Variants in TMEM145 observed in about 807,000 individuals in gnomAD.
TMEM145 encodes the protein transmembrane protein 145.
TMEM145 carries 46 observed loss-of-function variants against 68.5 expected under a neutral mutation model. The observed-to-expected ratio is 0.67, with a 90% CI of 0.53 to 0.86. The LOEUF is 0.86. TMEM145 is among the 40% of genes least tolerant of loss of function. The pLI is 0.00. For synonymous variants in TMEM145, 255 were observed against 280.2 expected (o/e 0.91, Z 0.90); for missense variants, 570 against 645.8 (o/e 0.88, Z 1.27).
intron 1 of TMEM145, 25 bp from the exon 2 acceptor site, chr19:42,314,247 G>A (rs200707689): frequency 1.2e-6 from 2 of 1,613,628 alleles, no homozygotes; most frequent in South Asian, 2.2e-5. Context: ...ACTCAGCGGA[G>A]GGTCAGACTG....
In TMEM145 at chr19:42,313,914, G is replaced by C. The variant is rs1286946507; in HGVS notation, c.121-358G>C. Among the ~76,000 whole-genome samples the C allele has an allele frequency of 6.6e-6, 1 of 152,094 alleles. No homozygotes were observed. Among genetic ancestry groups the C allele is most frequent in the Non-Finnish European group, 1.5e-5 (1 of 68,028 alleles). ...ATGGTCTTTGGGAGCACGGGGTGGG[G>C]TGCAGGGGAGTGTGGATATTGGGGG... On this transcript the variant is annotated intron_variant, in intron 1 of 14. Coordinates refer to ENST00000301204, the MANE Select transcript of TMEM145 (RefSeq NM_173633.3). This position sits in a 1 kb window ranked among gnomAD's most constrained non-coding sequence, Gnocchi z 5.1.
chr19:42,314,218 A>T, intron 1 of TMEM145, 54 bp from the exon 2 acceptor site: 1 of 1,598,046 alleles, frequency 6.3e-7, no homozygotes, highest in Non-Finnish European at 8.6e-7. Flanking sequence ...GGGTCTATGG[A>T]GTAAAGAGTT....
At chr19:42,315,588 A>C in intron 8 of TMEM145, 148 bp downstream of exon 8, 1 of 742,248 alleles carries the variant, frequency 1.3e-6, no homozygotes, top group Non-Finnish European at 2.1e-6. Context: ...TCCAAGGGAG[A>C]AGGGCCTGGG....
At position 42,314,821 on chromosome 19, in the gene TMEM145, G is replaced by A; in HGVS notation, c.390G>A (p.Leu130=). 1 of 1,614,220 alleles carries A rather than the reference G, an allele frequency of 6.2e-7. No homozygotes were observed. Among genetic ancestry groups the A allele is most frequent in the Middle Eastern group, 1.6e-4 (1 of 6,062 alleles). ...TATCAGAGGAGGGAACCCGCTACCTGAGCTGCTCCAGTGGCCGCAGCTTCC... is the reference window on the plus strand; with the variant it reads ...TATCAGAGGAGGGAACCCGCTACCTAAGCTGCTCCAGTGGCCGCAGCTTCC... The part of the protein sequence containing the change: ...QVVSEEGTRY[L]SCSSGRSFRS... Residue 130 remains leucine (L), a synonymous_variant, in exon 5 of 15, where the codon CTG becomes CTA. Transcript: ENST00000301204.
chr19:42,323,517 C>G, intron 13 of TMEM145, 66 bp from the exon 14 acceptor site: 7 of 1,532,504 alleles, frequency 4.6e-6, no homozygotes, highest in Non-Finnish European at 6.3e-6. Flanking sequence ...CTTCGGACCC[C>G]AAGTTTATGG....
intron 7 of TMEM145, 22 bp downstream of exon 7, chr19:42,315,281 T>TG (rs1181896302): frequency 1.9e-6 from 3 of 1,612,476 alleles, no homozygotes; most frequent in Admixed American, 1.7e-5. Context: ...ACATGGGGTG[T>TG]GGGGGAAGAG....
rs1225112425 is a variant in TMEM145 at position 42,316,510 on chromosome 19, TG to T, written c.680del (p.Gly227ValfsTer13). 2.5e-5 allele frequency: 41 copies of T among 1,614,024 alleles called. No individual in the cohort carries two copies. Among genetic ancestry groups the T allele is most frequent in the Non-Finnish European group, 3.3e-5 (39 of 1,180,008 alleles). On this transcript the variant is annotated frameshift_variant, in exon 9 of 15. Coordinates refer to ENST00000301204, the MANE Select transcript of TMEM145 (RefSeq NM_173633.3). LOFTEE classifies it high-confidence loss of function. Reference sequence around the variant, plus strand: ...GAGCCTCCTATTTTTCTGCATCTACTGGGGTCAATATGCCACCGATGGCATT... The same window carrying T: ...GAGCCTCCTATTTTTCTGCATCTACTGGGTCAATATGCCACCGATGGCATT... ...VLSLLFFCIY[W>X]GQYATDGIGN... is the part of the protein sequence containing the mutation.
chr19:42,323,544 G>C (rs1337853011), intron 13 of TMEM145, 39 bp from the exon 14 acceptor site: 1 of 1,603,820 alleles, frequency 6.2e-7, no homozygotes, highest in Admixed American at 1.7e-5. Context: ...CCTCCGGCCT[G>C]ACAGTGCCTC....
At chr19:42,324,257 T>A in intron 14 of TMEM145, 8 of 985,046 alleles carry the variant, frequency 8.1e-6, no homozygotes, top group Non-Finnish European at 9.6e-6. Flanking sequence ...GGACGGCCTC[T>A]GACCCTGACC....
chr19:42,319,955 C>T (rs1475505421), intron 12 of TMEM145, among the ~76,000 whole-genome samples: 1 of 151,922 alleles, frequency 6.6e-6, no homozygotes, highest in Non-Finnish European at 1.5e-5. Context: ...GACGGGGTGT[C>T]ACCATGTTGG....
rs184703421 is a variant in TMEM145 at position 42,317,750 on chromosome 19, G to A, written c.942G>A (p.Pro314=). The A allele has an allele frequency of 5.6e-6, 9 of 1,614,050 alleles. No individual in the cohort carries two copies. The highest frequency in any genetic ancestry group is 4.0e-5 in the African/African-American group (3 of 74,916). The change falls in exon 12 of 15, where the codon CCG becomes CCA. Residue 314 remains proline, a synonymous_variant. Transcript: ENST00000301204. ...AGGTACTGTACACGTATGAGTCGCC[G>A]GCCGGCTACGGGCTCATTGGACTGC... is the stretch of plus-strand genomic sequence containing the variant. ...PGQVLYTYES[P]AGYGLIGLQV...
Position 42,315,913 on chromosome 19 carries a change from C to A in TMEM145, c.646+473C>A, listed in dbSNP as rs545309551. Among the ~76,000 whole-genome samples, 6 of 152,138 alleles carry A rather than the reference C, an allele frequency of 3.9e-5. No homozygotes were observed. In the South Asian group the frequency reaches 1.2e-3, roughly 32 times the overall value. On this transcript the variant is annotated intron_variant, in intron 8 of 14. Coordinates refer to ENST00000301204, the MANE Select transcript of TMEM145 (RefSeq NM_173633.3). ...GACATGGTGGCGTGTGCGTGTAATC[C>A]CAGCTACTCAGGAGGCTGAGGCAGG...
Position 42,314,847 on chromosome 19 carries a change from G to A in TMEM145, c.416G>A (p.Arg139His), listed in dbSNP as rs757425410. The A allele has an allele frequency of 2.7e-5, 43 of 1,614,078 alleles. No individual in the cohort carries two copies. Among genetic ancestry groups the A allele is most frequent in the Non-Finnish European group, 3.5e-5 (41 of 1,180,042 alleles). The change falls in exon 5 of 15, where the codon CGC becomes CAC. Residue 139 changes from arginine (R) to histidine (H), a missense_variant. Coordinates refer to ENST00000301204, the MANE Select transcript of TMEM145 (RefSeq NM_173633.3). ...AGCTGCTCCAGTGGCCGCAGCTTCC[G>A]CTCAGTGCGTGAACGGTGGTGGTAT... is the stretch of plus-strand genomic sequence containing the variant. ...YLSCSSGRSF[R>H]SGDGLQLEYE...
In TMEM145 at chr19:42,320,324, G is replaced by A. The variant is rs1444087659; in HGVS notation, c.1081G>A (p.Ala361Thr). 6.2e-7 allele frequency: 1 copy of A among 1,614,016 alleles called. No individual in the cohort carries two copies. ...CCAATACTTCCCCTTCAGGTTCTTT[G>A]CGGTTCCTGTCATGGCCCTGATTGC... is the stretch of plus-strand genomic sequence containing the variant. ...FFAAYTLWFF[A>T]VPVMALIANF... is the part of the protein sequence containing the mutation. The change falls in exon 13 of 15, where the codon GCG becomes ACG. Residue 361 changes from alanine to threonine, a missense_variant. Coordinates refer to ENST00000301204, the MANE Select transcript of TMEM145 (RefSeq NM_173633.3).
chr19:42,320,642 T>C (rs1289493106), intron 13 of TMEM145, among the ~76,000 whole-genome samples: 3 of 152,044 alleles, frequency 2.0e-5, no homozygotes, highest in Non-Finnish European at 4.4e-5. Flanking sequence ...TCTTTTTTTT[T>C]TTCGAGACAG....
chr19:42,321,993 C>G (rs955415997), intron 13 of TMEM145, among the ~76,000 whole-genome samples: 1 of 152,152 alleles, frequency 6.6e-6, no homozygotes, highest in African/African-American at 2.4e-5. Flanking sequence ...TACTTTGAAC[C>G]CTATCCTTCT....
chr19:42,315,563 G>A, intron 8 of TMEM145, 123 bp downstream of exon 8: 5 of 1,042,760 alleles, frequency 4.8e-6, no homozygotes, highest in Middle Eastern at 3.0e-4. Context: ...GGGGCTGGGG[G>A]CCTGGACTCC....
chr19:42,323,934 C>G, intron 14 of TMEM145, 145 bp downstream of exon 14: 1 of 712,044 alleles, frequency 1.4e-6, no homozygotes, highest in Non-Finnish European at 2.2e-6. Flanking sequence ...CCCAACACCG[C>G]GCCGCGACCG....
Position 42,313,589 on chromosome 19 carries a change from C to A in TMEM145, c.120+93C>A. The A allele has an allele frequency of 1.9e-6, 2 of 1,028,114 alleles. No individual in the cohort carries two copies. Among genetic ancestry groups the A allele is most frequent in the Non-Finnish European group, 1.3e-6 (1 of 797,702 alleles). The allele number at this position is 1,028,114 out of a possible 1,614,324, so 63.7% of individuals were successfully genotyped here. On this transcript the variant is annotated intron_variant, in intron 1 of 14. Transcript: ENST00000301204. The surrounding 1 kb of genome is among the most constrained non-coding windows in gnomAD (Gnocchi z 5.1). The stretch of plus-strand genomic sequence containing the variant: ...GGGTACCGCCTCGCCCCCTGCCGCC[C>A]CTCCTGGCGGACTCCGGGAGCCTCG...
Sources: gnomAD v4.1 joint callset for allele counts (sites outside exome capture counted in the v4.1 genomes callset) on GRCh38, gnomAD v4.1.1 for gene constraint, Gnocchi (gnomAD v3.1) non-coding constraint, MANE v1.5 for transcripts, NCBI Gene and HGNC (gene_info 2026-07-23, HGNC 2026-07-21) for gene names.